The following ZFP37 variants were observed in gnomAD, a reference collection of about 807,000 sequenced individuals.
The protein encoded by ZFP37 is ZFP37 zinc finger protein.
ZFP37 carries 38 observed loss-of-function variants against 52.1 expected under a neutral mutation model. That is an observed-to-expected ratio of 0.73 (90% CI 0.56 to 0.96). The LOEUF is 0.96. ZFP37 is among the 40% of genes least tolerant of loss of function. The probability of loss-of-function intolerance (pLI) is 0.00; values close to 1 mark genes in which losing one functional copy is unlikely to be tolerated. For synonymous variants in ZFP37, 253 were observed against 259.5 expected, an observed-to-expected ratio of 0.98 and a Z score of 0.24; for missense variants, 695 against 741.4, an observed-to-expected ratio of 0.94 and a Z score of 0.73.
Position 113,049,496 on chromosome 9 carries a change from C to A in ZFP37, c.215G>T (p.Gly72Val). The A allele has an allele frequency of 6.2e-7, 1 of 1,611,634 alleles. No homozygotes were observed. The highest frequency in any genetic ancestry group is 2.2e-5 in the East Asian group (1 of 44,840). The change falls in exon 3 of 4, where the codon GGG becomes GTG. Residue 72 changes from glycine (G) to valine (V), a missense_variant and splice_region_variant. Transcript: ENST00000374227. ...LENYCNQASM[G>V]CQAPKPDMIS... ...CATGTCTGGTTTGGGAGCTTGACAC[C>A]CTGCTCATGAGAAATAGCAGAAACT...
rs1298022497 is a variant in ZFP37 at position 113,049,514 on chromosome 9, C to A, written c.215-18G>T. ...TTGACACCCTGCTCATGAGAAATAGCAGAAACTGAGTGTTAGAACAACCAT... is the reference window on the plus strand; with the variant it reads ...TTGACACCCTGCTCATGAGAAATAGAAGAAACTGAGTGTTAGAACAACCAT... On this transcript the variant is annotated intron_variant, in intron 2 of 3. Transcript: ENST00000374227. The A allele has an allele frequency of 6.2e-7, 1 of 1,606,870 alleles. No individual in the cohort carries two copies. Among genetic ancestry groups the A allele is most frequent in the East Asian group, 2.2e-5 (1 of 44,788 alleles).
In ZFP37 at chr9:113,056,582, A is replaced by G. The variant is rs1829149550; in HGVS notation, c.107T>C (p.Val36Ala). 1 of 1,613,772 alleles carries G rather than the reference A, an allele frequency of 6.2e-7. No homozygotes were observed. The highest frequency in any genetic ancestry group is 8.5e-7 in the Non-Finnish European group (1 of 1,180,012). ...KEAGRPLEMA[V>A]SEPEASAAEW... ...CGCGGCGCTGGCCTCGGGCTCGGACACAGCCATCTCCAGTGGTCGCCCGGC... is the reference window on the plus strand; with the variant it reads ...CGCGGCGCTGGCCTCGGGCTCGGACGCAGCCATCTCCAGTGGTCGCCCGGC... Residue 36 changes from valine (V) to alanine (A), a missense_variant, in exon 1 of 4, where the codon GTG (valine) becomes GCG (alanine). Transcript: ENST00000374227.
chr9:113,043,590 T>G lies in ZFP37; in HGVS notation c.1028A>C (p.His343Pro), dbSNP rs771349093. The change falls in exon 4 of 4, where the codon CAC becomes CCC. Residue 343 changes from histidine (H) to proline (P), a missense_variant. By Grantham distance (77) the His-to-Pro change is moderately conservative. Around this residue, in one of 2 missense-constraint regions of ZFP37, gnomAD observed 326 missense variants for 400.5 expected, o/e 0.81. Transcript: ENST00000374227. ...ACATTCATATGGTTTTTCTCCGGTGTGAGTTCTCTGATGTACAACAAGGTG... is the reference window on the plus strand; with the variant it reads ...ACATTCATATGGTTTTTCTCCGGTGGGAGTTCTCTGATGTACAACAAGGTG... Reference protein sequence around the residue: ...KSHLVVHQRTHTGEKPYECIQ... With the variant: ...KSHLVVHQRTPTGEKPYECIQ... The G allele has an allele frequency of 6.2e-7, 1 of 1,614,068 alleles. No homozygotes were observed.
intron 1 of ZFP37, among the ~76,000 whole-genome samples, chr9:113,055,694 T>C (rs1829128758): frequency 6.6e-6 from 1 of 152,212 alleles, no homozygotes; most frequent in East Asian, 1.9e-4. Flanking sequence ...TTCCCAACTA[T>C]CACTCTCCAC....
intron 1 of ZFP37, among the ~76,000 whole-genome samples, chr9:113,050,269 C>G (rs1829031961): frequency 6.6e-6 from 1 of 151,856 alleles, no homozygotes; most frequent in Non-Finnish European, 1.5e-5. Flanking sequence ...GCCTGTAGTC[C>G]CAGCTACTCA....
rs79249666 is a variant in ZFP37 at position 113,054,183 on chromosome 9, C to A, written c.132+2374G>T. Among the ~76,000 whole-genome samples the A allele has an allele frequency of 6.3e-3, 956 of 152,304 alleles. 15 individuals are homozygous for A. The highest frequency in any genetic ancestry group is 0.021 in the African/African-American group (879 of 41,556). ...CTGACAAAATCAAATGATCTCTAGT[C>A]CTGCTTTTAGGACTCAAAAGCATAT... On this transcript the variant is annotated intron_variant, in intron 1 of 3. Transcript: ENST00000374227.
chr9:113,056,257 C>G (rs1247729273), intron 1 of ZFP37, among the ~76,000 whole-genome samples: 1 of 152,172 alleles, frequency 6.6e-6, no homozygotes, highest in African/African-American at 2.4e-5. Context: ...CCCCCACGGT[C>G]CTTCCCTATC....
In ZFP37 at chr9:113,043,037, T is replaced by C. The variant is rs1406586886; in HGVS notation, c.1581A>G (p.Lys527=). The C allele has an allele frequency of 1.1e-5, 17 of 1,613,554 alleles. No individual in the cohort carries two copies. Among genetic ancestry groups the C allele is most frequent in the Non-Finnish European group, 1.4e-5 (16 of 1,179,946 alleles). Residue 527 remains lysine (K), a synonymous_variant, in exon 4 of 4, where the codon AAA becomes AAG. Transcript: ENST00000374227. ...GATGTTGAGTAAGGCCTTCAATTTG[T>C]TTAAAGCCTTTCCCACATTGATTAC... The part of the protein sequence containing the change: ...FECNQCGKGF[K]QIEGLTQHQR...
intron 3 of ZFP37, among the ~76,000 whole-genome samples, chr9:113,045,138 C>T (rs1301580090): frequency 6.6e-6 from 1 of 151,974 alleles, no homozygotes; most frequent in East Asian, 1.9e-4. Flanking sequence ...TAAAGTGAGT[C>T]CACCAAGAAG....
At chr9:113,050,839 G>T (rs896386589) in intron 1 of ZFP37, among the ~76,000 whole-genome samples, 8 of 151,902 alleles carry the variant, frequency 5.3e-5, no homozygotes, top group Non-Finnish European at 1.2e-4. Context: ...GGAGGTTACA[G>T]TGAGCCAAGA....
At position 113,042,332 on chromosome 9, in the gene ZFP37, G is replaced by A. The variant is rs774371644; in HGVS notation, c.*393C>T. 1.8e-5 allele frequency: 3 copies of A among 164,620 alleles called. No homozygotes were observed. Among genetic ancestry groups the A allele is most frequent in the Non-Finnish European group, 3.9e-5 (3 of 76,102 alleles). The allele number at this position is 164,620 out of a possible 1,614,324, so 10.2% of individuals were successfully genotyped here. A position where few individuals can be genotyped will look rare whatever the true frequency, so the allele number is the denominator to read the frequency against. ...AGATGGCCACACTCATTTACATAAG[G>A]CAATAAACAGATATGCAAATTCAAC... On this transcript the variant is annotated 3_prime_UTR_variant, in exon 4 of 4. Coordinates refer to ENST00000374227, the MANE Select transcript of ZFP37 (RefSeq NM_003408.3).
intron 3 of ZFP37, among the ~76,000 whole-genome samples, chr9:113,046,969 C>CGTG (rs1206976936): frequency 6.6e-6 from 1 of 151,966 alleles, no homozygotes; most frequent in South Asian, 2.1e-4. Context: ...ATTAGCTGGG[C>CGTG]GTGGTGGTGG....
chr9:113,049,616 C>G (rs1270221369), intron 2 of ZFP37, 120 bp from the exon 3 acceptor site: 11 of 1,449,148 alleles, frequency 7.6e-6, no homozygotes, highest in Non-Finnish European at 1.0e-5. Context: ...AATATGAATG[C>G]CAGGTCAGCT....
intron 1 of ZFP37, among the ~76,000 whole-genome samples, chr9:113,055,021 A>C (rs972770622): frequency 2.6e-5 from 4 of 152,162 alleles, no homozygotes; most frequent in Non-Finnish European, 5.9e-5. Context: ...AAATCCTTAC[A>C]CTAGCCAATA....
rs921802047 is a variant in ZFP37 at position 113,052,032 on chromosome 9, C to G, written c.133-2160G>C. On this transcript the variant is annotated intron_variant, in intron 1 of 3. Coordinates refer to ENST00000374227, the MANE Select transcript of ZFP37 (RefSeq NM_003408.3). This position sits in a 1 kb window ranked among gnomAD's most constrained non-coding sequence, Gnocchi z 4.1. ...TCCTCAACCAATGATACCCACAGGA[C>G]ACTGGTAATCTATCTCCTATTACCC... Among the ~76,000 whole-genome samples, 3 of 152,198 alleles carry G rather than the reference C, an allele frequency of 2.0e-5. No homozygotes were observed. The highest frequency in any genetic ancestry group is 4.4e-5 in the Non-Finnish European group (3 of 68,036).
intron 1 of ZFP37, chr9:113,050,147 G>A (rs1209108296): frequency 1.3e-5 from 4 of 304,176 alleles, no homozygotes. Flanking sequence ...CACTTTGGGA[G>A]GCTAAAGCAG....
At chr9:113,046,505 T>C (rs957221610) in intron 3 of ZFP37, among the ~76,000 whole-genome samples, 3 of 152,006 alleles carry the variant, frequency 2.0e-5, no homozygotes, top group Non-Finnish European at 2.9e-5. Flanking sequence ...TATAAGAACC[T>C]TTACAATGAT....
intron 3 of ZFP37, among the ~76,000 whole-genome samples, chr9:113,046,153 G>C (rs915780605): frequency 6.7e-5 from 10 of 149,754 alleles, no homozygotes; most frequent in Admixed American, 3.3e-4. Context: ...TATATATATA[G>C]ACAGATATAT....
chr9:113,046,335 T>C (rs957509067), intron 3 of ZFP37, among the ~76,000 whole-genome samples: 5 of 151,618 alleles, frequency 3.3e-5, no homozygotes, highest in African/African-American at 1.2e-4. Flanking sequence ...GCTTTTTCAT[T>C]TAGGAAATTT....
Sources: gnomAD v4.1 joint callset for allele counts (sites outside exome capture counted in the v4.1 genomes callset) on GRCh38, gnomAD v4.1.1 for gene constraint, gnomAD v4.1.1 regional missense constraint, Gnocchi (gnomAD v3.1) non-coding constraint, MANE v1.5 for transcripts, NCBI Gene and HGNC (gene_info 2026-07-23, HGNC 2026-07-21) for gene names.